Variants in ASS1 observed in about 807,000 individuals in gnomAD.
The protein encoded by ASS1 is argininosuccinate synthase 1.
Under a neutral mutation model 60.5 loss-of-function variants are expected in ASS1, and 58 were observed. The ratio of observed to expected loss-of-function variants is 0.96; its 90% confidence interval spans 0.78 to 1.19. ASS1 has a LOEUF of 1.19. Ranked by LOEUF, ASS1 falls within the 50% of genes most tolerant of loss-of-function variation. ASS1 has a pLI of 0.00. For synonymous variants in ASS1, 200 were observed against 206.9 expected (o/e 0.97, Z 0.29); for missense variants, 454 against 547.3 (o/e 0.83, Z 1.70).
chr9:130,479,188 G>A (rs1330676216), intron 9 of ASS1, among the ~76,000 whole-genome samples: 6 of 152,112 alleles, frequency 3.9e-5, no homozygotes, highest in Non-Finnish European at 7.4e-5. Flanking sequence ...TGCTGGAGCG[G>A]GCACCGTGTC....
chr9:130,480,322 C>A, intron 10 of ASS1, 63 bp from the exon 11 acceptor site: 1 of 1,591,804 alleles, frequency 6.3e-7, no homozygotes, highest in Non-Finnish European at 8.6e-7. Context: ...GACAGCCCAG[C>A]TGGGTGGGTG....
Position 130,445,279 on chromosome 9 carries a change from A to G in ASS1, c.-6+284A>G. The stretch of plus-strand genomic sequence containing the variant: ...CCGGGTCCGAAGAGCGGCTCGGGTT[A>G]TTTGTTCCCTGCGCAGCCGGGTCCT... On this transcript the variant is annotated intron_variant, in intron 1 of 14. Transcript: ENST00000352480. The G allele has an allele frequency of 3.1e-6, 3 of 959,660 alleles. No individual in the cohort carries two copies. In the South Asian group the frequency reaches 1.4e-4, roughly 46 times the overall value. 59.4% of individuals were successfully genotyped at this position (959,660 alleles called of 1,614,324 possible).
chr9:130,448,318 A>G (rs1203953408), intron 1 of ASS1, among the ~76,000 whole-genome samples: 2 of 152,016 alleles, frequency 1.3e-5, no homozygotes, highest in Non-Finnish European at 2.9e-5. Flanking sequence ...GTGTGCATGC[A>G]CACAGGCACA....
chr9:130,501,226 G>C lies in ASS1; in HGVS notation c.*205G>C. On this transcript the variant is annotated 3_prime_UTR_variant, in exon 15 of 15. Coordinates refer to ENST00000352480, the MANE Select transcript of ASS1 (RefSeq NM_054012.4). ...GGAAGGGTGGGGGGCAGCTGCGGTG[G>C]GGAGCTATAAAAATGACAATTAAAA... 1.7e-6 allele frequency: 1 copy of C among 599,558 alleles called. No homozygotes were observed. The highest frequency in any genetic ancestry group is 3.0e-6 in the Non-Finnish European group (1 of 337,876). The allele number at this position is 599,558 out of a possible 1,614,324, so 37.1% of individuals were successfully genotyped here.
At position 130,452,329 on chromosome 9, in the gene ASS1, A is replaced by G; in HGVS notation, c.101A>G (p.Tyr34Cys). ...LKEQGYDVIA[Y>C]LANIGQKEDF... ...GAACAAGGCTATGACGTCATTGCCT[A>G]TCTGGTGAGGGAGCGACCTGGGTGT... The change falls in exon 2 of 15, where the codon TAT (tyrosine) becomes TGT (cysteine). Residue 34 changes from tyrosine to cysteine, a missense_variant. Tyr to Cys is a radical substitution (Grantham distance 194, BLOSUM62 -2). Coordinates refer to ENST00000352480, the MANE Select transcript of ASS1 (RefSeq NM_054012.4). The G allele has an allele frequency of 6.2e-7, 1 of 1,613,380 alleles. No individual in the cohort carries two copies. Among genetic ancestry groups the G allele is most frequent in the Non-Finnish European group, 8.5e-7 (1 of 1,179,346 alleles).
chr9:130,445,236 CCCCGGGGGCGCGAG>C (rs2131860373), intron 1 of ASS1: 2 of 20,576 alleles, frequency 9.7e-5, no homozygotes, highest in Non-Finnish European at 1.3e-4. Context: ...GGGCGCGAGT[CCCCGGGGGCGCGAG>C]TCCCCGGGTC....
intron 3 of ASS1, 94 bp downstream of exon 3, chr9:130,454,467 C>A: frequency 1.6e-6 from 2 of 1,280,926 alleles, no homozygotes; most frequent in South Asian, 1.3e-5. Context: ...CCATCCCTTC[C>A]AGTGTGTCTT....
chr9:130,482,040 AC>A (rs1162284232), intron 11 of ASS1, among the ~76,000 whole-genome samples: 3 of 152,016 alleles, frequency 2.0e-5, no homozygotes, highest in African/African-American at 7.3e-5. Context: ...ACAGACCAGC[AC>A]CCCATTTACA....
intron 11 of ASS1, among the ~76,000 whole-genome samples, chr9:130,485,155 C>T (rs1038536760): frequency 1.1e-4 from 17 of 152,314 alleles, no homozygotes; most frequent in African/African-American, 2.9e-4. Context: ...AGCTCTTCCT[C>T]GAGCCCTGAA....
chr9:130,455,486 C>T (rs553125965), intron 3 of ASS1, among the ~76,000 whole-genome samples: 61 of 152,328 alleles, frequency 4.0e-4, no homozygotes, highest in Non-Finnish European at 5.3e-4. Flanking sequence ...ATCATCCATC[C>T]TTCTGTCCAT....
chr9:130,495,444 C>CAT (rs142565065), intron 13 of ASS1, among the ~76,000 whole-genome samples: 3,072 of 139,714 alleles, frequency 0.022, 41 homozygotes, highest in African/African-American at 0.034. Flanking sequence ...CACACACATA[C>CAT]ATATATATAT....
intron 1 of ASS1, 97 bp downstream of exon 1, chr9:130,445,092 G>A: frequency 1.0e-6 from 1 of 953,358 alleles, no homozygotes; most frequent in Non-Finnish European, 1.2e-6. Context: ...CCCGCCCCGG[G>A]GCCCGCGGAG....
intron 6 of ASS1, among the ~76,000 whole-genome samples, chr9:130,468,758 G>A (rs998275301): frequency 8.6e-5 from 13 of 151,886 alleles, no homozygotes; most frequent in African/African-American, 3.1e-4. Context: ...ATTTTTTTTT[G>A]TAGAGACAGG....
Position 130,489,255 on chromosome 9 carries a change from T to TGGTCATTTGCTGACAGTTTGGG in ASS1, c.839-78_839-77insGGTCATTTGCTGACAGTTTGGG. On this transcript the variant is annotated intron_variant, in intron 11 of 14. Coordinates refer to ENST00000352480, the MANE Select transcript of ASS1 (RefSeq NM_054012.4). The surrounding 1 kb of genome is among the most constrained non-coding windows in gnomAD (Gnocchi z 4.1). ...CTCATTATTATTATTATTTTTTTTT[T>TGGTCATTTGCTGACAGTTTGGG]TGTCATTTGCTGACAGTTTGGGTTT... 6.4e-7 allele frequency: 1 copy of TGGTCATTTGCTGACAGTTTGGG among 1,566,304 alleles called. No homozygotes were observed. The highest frequency in any genetic ancestry group is 8.7e-7 in the Non-Finnish European group (1 of 1,146,810).
chr9:130,464,761 A>G (rs1845685923), intron 5 of ASS1, among the ~76,000 whole-genome samples: 1 of 151,782 alleles, frequency 6.6e-6, no homozygotes, highest in Admixed American at 6.6e-5. Context: ...TGCTACTACC[A>G]TCCCCACCCC....
chr9:130,454,279 G>A (rs1046568459), intron 2 of ASS1, 26 bp from the exon 3 acceptor site: 6 of 1,604,808 alleles, frequency 3.7e-6, no homozygotes, highest in Admixed American at 1.7e-5. Flanking sequence ...AGGGGCTGAC[G>A]GAGCCTCTCC....
chr9:130,475,741 GT>G (rs35568745), intron 8 of ASS1, among the ~76,000 whole-genome samples: 2,425 of 101,368 alleles, frequency 0.024, 15 homozygotes, highest in Non-Finnish European at 0.03. Flanking sequence ...TGTGCAAGGT[GT>G]TTTTTTTTTT....
intron 1 of ASS1, among the ~76,000 whole-genome samples, chr9:130,450,980 A>G (rs2131866104): frequency 6.6e-6 from 1 of 152,298 alleles, no homozygotes; most frequent in South Asian, 2.1e-4. Flanking sequence ...GGCTGGAACC[A>G]GGAGGCCTGG....
intron 8 of ASS1, among the ~76,000 whole-genome samples, chr9:130,474,926 AG>A (rs1845978036): frequency 6.6e-6 from 1 of 152,206 alleles, no homozygotes; most frequent in South Asian, 2.1e-4. Flanking sequence ...GTCTGTCTTC[AG>A]GGAAGGTTCT....
Sources: gnomAD v4.1 joint callset for allele counts (sites outside exome capture counted in the v4.1 genomes callset) on GRCh38, gnomAD v4.1.1 for gene constraint, Gnocchi (gnomAD v3.1) non-coding constraint, MANE v1.5 for transcripts, NCBI Gene and HGNC (gene_info 2026-07-23, HGNC 2026-07-21) for gene names.